ZC3H13: variants seen among roughly 807,000 people sequenced by gnomAD.
ZC3H13 encodes zinc finger CCCH-type containing 13, also known as zinc finger CCCH domain-containing protein 13.
ZC3H13 carries 64 observed loss-of-function variants against 204.1 expected under a neutral mutation model. That is an observed-to-expected ratio of 0.31 (90% CI 0.26 to 0.39). The LOEUF is 0.39. Among genes scored for constraint, ZC3H13 ranks in the 10% least tolerant of loss-of-function variants. The pLI is 1.00. For synonymous variants in ZC3H13, 667 were observed against 693.7 expected, an observed-to-expected ratio of 0.96 and a Z score of 0.60; for missense variants, 1,833 against 2,082.7, an observed-to-expected ratio of 0.88 and a Z score of 2.33.
chr13:45,955,850 C>T lies in ZC3H13; in HGVS notation c.*1277G>A, dbSNP rs1376403850. The T allele has an allele frequency of 6.6e-6, 1 of 151,966 alleles. No homozygotes were observed. Among genetic ancestry groups the T allele is most frequent in the Non-Finnish European group, 1.5e-5 (1 of 67,934 alleles). The allele number at this position is 151,966 out of a possible 1,614,324, so 9.4% of individuals were successfully genotyped here. On this transcript the variant is annotated 3_prime_UTR_variant, in exon 19 of 19. Transcript: ENST00000679008. Reference sequence around the variant, plus strand: ...AACTTTACAACATATGTTTCTTGAACAGAAACTTTACACCACTGTCATTAT... The same window carrying T: ...AACTTTACAACATATGTTTCTTGAATAGAAACTTTACACCACTGTCATTAT...
chr13:46,049,964 C>T (rs2044283495), intron 1 of ZC3H13, among the ~76,000 whole-genome samples: 2 of 152,102 alleles, frequency 1.3e-5, no homozygotes, highest in South Asian at 4.2e-4. Flanking sequence ...AAGTTGCCAT[C>T]ACACTTCCAC....
At chr13:45,978,132 T>C (rs1953225163) in intron 11 of ZC3H13, among the ~76,000 whole-genome samples, 1 of 152,152 alleles carries the variant, frequency 6.6e-6, no homozygotes. Context: ...TTTAGGCAGC[T>C]TTCTTGGAAT....
intron 12 of ZC3H13, among the ~76,000 whole-genome samples, chr13:45,973,069 C>A (rs1284889885): frequency 6.6e-6 from 1 of 152,196 alleles, no homozygotes; most frequent in African/African-American, 2.4e-5. Context: ...CCAGGCAAAA[C>A]TGCCAATCCA....
At chr13:45,966,000 T>A (rs935190141) in intron 15 of ZC3H13, among the ~76,000 whole-genome samples, 1 of 152,202 alleles carries the variant, frequency 6.6e-6, no homozygotes, top group African/African-American at 2.4e-5. Flanking sequence ...CTCAATGATC[T>A]TCTTGCATTG....
In ZC3H13 at chr13:45,973,499, G is replaced by A. The variant is rs372591895; in HGVS notation, c.2468+1784C>T. 3.3e-4 allele frequency among the ~76,000 whole-genome samples: 50 copies of A among 152,192 alleles called. No homozygotes were observed. In the South Asian group the frequency reaches 6.2e-3, roughly 19 times the overall value. On this transcript the variant is annotated intron_variant, in intron 12 of 18. Coordinates refer to ENST00000679008, the MANE Select transcript of ZC3H13 (RefSeq NM_001330564.2). Reference sequence around the variant, plus strand: ...GAAGCATGAAAAAAATACAGGTTGCGTATCCCTTATCCATGAAATGCTTTA... The same window carrying A: ...GAAGCATGAAAAAAATACAGGTTGCATATCCCTTATCCATGAAATGCTTTA...
intron 1 of ZC3H13, among the ~76,000 whole-genome samples, chr13:46,050,008 T>C (rs891393270): frequency 4.6e-5 from 7 of 152,190 alleles, no homozygotes; most frequent in African/African-American, 1.7e-4. Context: ...ACACGAGCAT[T>C]ATCAAAGACA....
At chr13:46,012,054 C>A (rs189109868) in intron 5 of ZC3H13, among the ~76,000 whole-genome samples, 1 of 152,120 alleles carries the variant, frequency 6.6e-6, no homozygotes, top group East Asian at 1.9e-4. Context: ...TGATTAATAT[C>A]TAAAACTAAA....
At chr13:46,020,363 A>C (rs1178424238) in intron 5 of ZC3H13, 86 bp downstream of exon 5, 13 of 928,486 alleles carry the variant, frequency 1.4e-5, no homozygotes, top group Non-Finnish European at 2.2e-5. Flanking sequence ...GAGGGATCAC[A>C]GTCGAAAGGT....
At position 46,042,181 on chromosome 13, in the gene ZC3H13, A is replaced by G. The variant is rs753807789; in HGVS notation, c.322T>C (p.Ser108Pro). 5 of 1,612,304 alleles carry G rather than the reference A, an allele frequency of 3.1e-6. No individual in the cohort carries two copies. The Admixed American group carries it at 6.7e-5, about 22-fold the overall frequency. ...TEPQKRNTEE[S>P]SSPVRKESSR... ...AATCCTACCCTAACAGGTGAGGATGACTCCTCTGTATTTCGTTTCTGGGGC... is the reference window on the plus strand; with the variant it reads ...AATCCTACCCTAACAGGTGAGGATGGCTCCTCTGTATTTCGTTTCTGGGGC... The change falls in exon 4 of 19, where the codon TCA (serine) becomes CCA (proline). Residue 108 changes from serine to proline, a missense_variant. By Grantham distance (74) the Ser-to-Pro change is moderately conservative. Around this residue, in one of 5 missense-constraint regions of ZC3H13, gnomAD observed 1,574 missense variants for 1,757.2 expected, o/e 0.90. Coordinates refer to ENST00000679008, the MANE Select transcript of ZC3H13 (RefSeq NM_001330564.2).
chr13:46,038,410 A>T lies in ZC3H13; in HGVS notation c.339+3754T>A, dbSNP rs117546635. Among the ~76,000 whole-genome samples the T allele has an allele frequency of 2.6e-3, 392 of 152,320 alleles. 8 individuals are homozygous for T. Among genetic ancestry groups the T allele is most frequent in the East Asian group, 0.014 (75 of 5,182 alleles). ...TGCATTTTGCTCGTATCTTTCTGAC[A>T]CACTATCACATGCTACAGAATTACA... On this transcript the variant is annotated intron_variant, in intron 4 of 18. Transcript: ENST00000679008.
intron 4 of ZC3H13, among the ~76,000 whole-genome samples, chr13:46,039,064 G>A (rs1261169767): frequency 6.6e-6 from 1 of 152,048 alleles, no homozygotes; most frequent in Non-Finnish European, 1.5e-5. Context: ...TGGTGTCCCA[G>A]GTTATTAACA....
chr13:45,963,008 C>T (rs997173534), intron 17 of ZC3H13: 4 of 985,212 alleles, frequency 4.1e-6, no homozygotes, highest in African/African-American at 1.7e-5. Flanking sequence ...CAAAAATCAG[C>T]GTGATAGGAT....
At chr13:46,040,371 G>A (rs1253050299) in intron 4 of ZC3H13, among the ~76,000 whole-genome samples, 1 of 152,038 alleles carries the variant, frequency 6.6e-6, no homozygotes, top group Non-Finnish European at 1.5e-5. Flanking sequence ...GACTATAATA[G>A]AGGACAACTG....
chr13:45,986,416 G>A (rs996943730), intron 9 of ZC3H13, among the ~76,000 whole-genome samples: 1 of 152,138 alleles, frequency 6.6e-6, no homozygotes, highest in Non-Finnish European at 1.5e-5. Context: ...AACATAGGAA[G>A]ATGAGACTTT....
intron 10 of ZC3H13, among the ~76,000 whole-genome samples, chr13:45,983,233 A>C (rs2138151679): frequency 6.6e-6 from 1 of 151,582 alleles, no homozygotes; most frequent in East Asian, 1.9e-4. Context: ...TACATATCCC[A>C]AAGAACTGAC....
chr13:46,003,543 T>C (rs915161833), intron 7 of ZC3H13, among the ~76,000 whole-genome samples: 1 of 152,186 alleles, frequency 6.6e-6, no homozygotes, highest in African/African-American at 2.4e-5. Flanking sequence ...CACTGCTTAT[T>C]ATTATATAAC....
Position 45,975,272 on chromosome 13 carries a change from A to T in ZC3H13, c.2468+11T>A. On this transcript the variant is annotated intron_variant, in intron 12 of 18. Transcript: ENST00000679008. ...TGTAAAATGTTATTAATAACTGATA[A>T]TTATTCTTACTTTGATTTTCTTTCA... The T allele has an allele frequency of 6.2e-7, 1 of 1,602,750 alleles. No individual in the cohort carries two copies. Among genetic ancestry groups the T allele is most frequent in the Non-Finnish European group, 8.5e-7 (1 of 1,173,004 alleles).
intron 4 of ZC3H13, among the ~76,000 whole-genome samples, chr13:46,034,537 T>C (rs1387097681): frequency 6.6e-6 from 1 of 152,142 alleles, no homozygotes; most frequent in Non-Finnish European, 1.5e-5. Flanking sequence ...CGATAATATA[T>C]ATGATTCCAT....
chr13:45,962,761 C>T, intron 17 of ZC3H13: 2 of 985,228 alleles, frequency 2.0e-6, no homozygotes, highest in Non-Finnish European at 2.4e-6. Flanking sequence ...ACTTTTATGT[C>T]CAGGGACATG....
Sources: gnomAD v4.1 joint callset for allele counts (sites outside exome capture counted in the v4.1 genomes callset) on GRCh38, gnomAD v4.1.1 for gene constraint, gnomAD v4.1.1 regional missense constraint, MANE v1.5 for transcripts, NCBI Gene and HGNC (gene_info 2026-07-23, HGNC 2026-07-21) for gene names.